Variants in PDZRN4 observed in about 807,000 individuals in gnomAD.
The protein encoded by PDZRN4 is PDZ domain containing ring finger 4.
In PDZRN4, 70 loss-of-function variants were observed where a neutral mutation model predicts 99.0. The ratio of observed to expected loss-of-function variants is 0.71; its 90% CI spans 0.58 to 0.86. The LOEUF is 0.86. Ranked by LOEUF, PDZRN4 falls within the 40% of genes least tolerant of loss-of-function variation. The pLI is 0.00. For missense variants in PDZRN4, 1,474 were observed against 1,331.2 expected, an observed-to-expected ratio of 1.11 and a Z score of -1.67; for synonymous variants, 551 against 501.6, an observed-to-expected ratio of 1.10 and a Z score of -1.32.
At chr12:41,266,310 C>CAAAAAAAAAAAAAAAAAA (rs777855203) in intron 3 of PDZRN4, among the ~76,000 whole-genome samples, 2 of 11,686 alleles carry the variant, frequency 1.7e-4, no homozygotes, top group African/African-American at 9.8e-4. Flanking sequence ...GACTCCGTCT[C>CAAAAAAAAAAAAAAAAAA]AAAAAAAAAA....
At chr12:41,564,760 G>A (rs1939335534) in intron 8 of PDZRN4, among the ~76,000 whole-genome samples, 1 of 152,008 alleles carries the variant, frequency 6.6e-6, no homozygotes, top group Non-Finnish European at 1.5e-5. Flanking sequence ...TGCCTATGTG[G>A]GAGTGAATTT....
At chr12:41,283,556 A>G (rs1448348184) in intron 3 of PDZRN4, among the ~76,000 whole-genome samples, 1 of 152,076 alleles carries the variant, frequency 6.6e-6, no homozygotes, top group Non-Finnish European at 1.5e-5. Context: ...GAGACACAAC[A>G]ACAACAACAT....
intron 5 of PDZRN4, among the ~76,000 whole-genome samples, chr12:41,540,823 T>C (rs761120547): frequency 1.2e-4 from 18 of 152,072 alleles, no homozygotes; most frequent in Admixed American, 7.2e-4. Context: ...CTTGCCTTTT[T>C]CTTGGACTGC....
intron 3 of PDZRN4, among the ~76,000 whole-genome samples, chr12:41,271,475 CTT>C (rs1951313966): frequency 6.6e-6 from 1 of 152,090 alleles, no homozygotes; most frequent in African/African-American, 2.4e-5. Flanking sequence ...ATTATTTTCT[CTT>C]ATTCCAAAAC....
At chr12:41,294,422 T>A (rs1951476726) in intron 3 of PDZRN4, among the ~76,000 whole-genome samples, 1 of 152,166 alleles carries the variant, frequency 6.6e-6, no homozygotes, top group Non-Finnish European at 1.5e-5. Context: ...TAATTTTATA[T>A]GAACTATAAA....
intron 3 of PDZRN4, among the ~76,000 whole-genome samples, chr12:41,315,364 T>C (rs978362048): frequency 6.6e-6 from 1 of 152,130 alleles, no homozygotes; most frequent in Non-Finnish European, 1.5e-5. Context: ...CCCACTCTTG[T>C]TTATTATATT....
chr12:41,249,204 T>A (rs991893784), intron 3 of PDZRN4, among the ~76,000 whole-genome samples: 1 of 152,142 alleles, frequency 6.6e-6, no homozygotes, highest in African/African-American at 2.4e-5. Context: ...CAGGTAGGTA[T>A]GAAAAAAGTA....
At chr12:41,286,198 G>T (rs1048214791) in intron 3 of PDZRN4, among the ~76,000 whole-genome samples, 2 of 151,276 alleles carry the variant, frequency 1.3e-5, no homozygotes, top group African/African-American at 4.9e-5. Context: ...TAAGTATGCT[G>T]GTATATTAAA....
intron 3 of PDZRN4, among the ~76,000 whole-genome samples, chr12:41,260,699 G>A (rs1331540383): frequency 1.3e-5 from 2 of 151,796 alleles, no homozygotes; most frequent in Non-Finnish European, 2.9e-5. Flanking sequence ...TGCCCACTAT[G>A]AGTCTAGATA....
intron 3 of PDZRN4, among the ~76,000 whole-genome samples, chr12:41,261,041 A>G (rs1192169469): frequency 2.6e-5 from 4 of 152,200 alleles, no homozygotes; most frequent in Non-Finnish European, 5.9e-5. Flanking sequence ...TGATGCAGAA[A>G]GATGCACTAT....
At chr12:41,443,083 C>A (rs981012) in intron 3 of PDZRN4, among the ~76,000 whole-genome samples, 77,296 of 151,980 alleles carry the variant, frequency 0.51, 20,118 homozygotes, top group African/African-American at 0.63. Context: ...AACTCTGTGT[C>A]AGCTCTGATT....
chr12:41,398,195 T>A (rs994203997), intron 3 of PDZRN4, among the ~76,000 whole-genome samples: 1 of 152,188 alleles, frequency 6.6e-6, no homozygotes, highest in Non-Finnish European at 1.5e-5. Flanking sequence ...CCCCGTGTCC[T>A]CTTATTTCAT....
intron 3 of PDZRN4, among the ~76,000 whole-genome samples, chr12:41,355,397 GA>G (rs1250343097): frequency 6.6e-6 from 1 of 151,970 alleles, no homozygotes; most frequent in Non-Finnish European, 1.5e-5. Flanking sequence ...TAATTAGGCA[GA>G]CCAGATTGGT....
At chr12:41,235,587 T>C (rs1333540752) in intron 3 of PDZRN4, among the ~76,000 whole-genome samples, 2 of 152,140 alleles carry the variant, frequency 1.3e-5, no homozygotes, top group Non-Finnish European at 2.9e-5. Flanking sequence ...TTTAAAAGCA[T>C]GTGGGCCCAG....
chr12:41,425,492 T>G (rs998042449), intron 3 of PDZRN4, among the ~76,000 whole-genome samples: 1 of 152,250 alleles, frequency 6.6e-6, no homozygotes, highest in East Asian at 1.9e-4. Context: ...ACATGCCAGA[T>G]GGTGTTCCTG....
At chr12:41,409,527 C>A (rs944605900) in intron 3 of PDZRN4, 3 of 152,058 alleles carry the variant, frequency 2.0e-5, no homozygotes, top group Non-Finnish European at 2.9e-5. Flanking sequence ...TAATTTCTGA[C>A]CGATTTTTTC....
intron 3 of PDZRN4, among the ~76,000 whole-genome samples, chr12:41,208,779 A>G (rs993463840): frequency 6.6e-6 from 1 of 151,982 alleles, no homozygotes; most frequent in African/African-American, 2.4e-5. Context: ...AGGCATTATT[A>G]AGGAAACAAA....
intron 3 of PDZRN4, among the ~76,000 whole-genome samples, chr12:41,250,759 G>T (rs1324735135): frequency 6.6e-6 from 1 of 152,162 alleles, no homozygotes; most frequent in Non-Finnish European, 1.5e-5. Flanking sequence ...TTGACACGGT[G>T]GAGAAAGACT....
chr12:41,214,197 T>C, intron 3 of PDZRN4, among the ~76,000 whole-genome samples: 1 of 143,886 alleles, frequency 6.9e-6, no homozygotes, highest in South Asian at 2.2e-4. Context: ...AGCAGAAGAC[T>C]GCTTGAGGCC....
Sources: allele counts gnomAD v4.1 joint callset (sites outside exome capture counted in the v4.1 genomes callset), GRCh38; gene constraint gnomAD v4.1.1; transcripts MANE v1.5; gene names NCBI Gene and HGNC (gene_info 2026-07-23, HGNC 2026-07-21).